ZCCHC14: variants seen among roughly 807,000 people sequenced by gnomAD.
The protein encoded by ZCCHC14 is zinc finger CCHC domain-containing protein 14.
A neutral mutation model predicts 85.0 loss-of-function variants in ZCCHC14; 16 were observed. The ratio of observed to expected loss-of-function variants is 0.19; its 90% CI spans 0.13 to 0.29. The LOEUF (loss-of-function observed/expected upper bound fraction) is 0.29, where lower values mean the gene tolerates loss of function less well. Ranked by LOEUF, ZCCHC14 falls within the 10% of genes least tolerant of loss-of-function variation. The pLI, the probability that ZCCHC14 is intolerant of heterozygous loss-of-function variation, is 1.00. For missense variants in ZCCHC14, 1,303 were observed against 1,443.5 expected (o/e 0.90, Z 1.58); for synonymous variants, 775 against 630.7 (o/e 1.23, Z -3.43).
At chr16:87,421,679 G>A (rs1178340458) in intron 4 of ZCCHC14, among the ~76,000 whole-genome samples, 2 of 152,170 alleles carry the variant, frequency 1.3e-5, no homozygotes, top group Non-Finnish European at 2.9e-5. Flanking sequence ...TGAAAGCTGG[G>A]AGTGAAGCAA....
chr16:87,434,343 A>C (rs1189874583), intron 2 of ZCCHC14, among the ~76,000 whole-genome samples: 1 of 152,186 alleles, frequency 6.6e-6, no homozygotes, highest in African/African-American at 2.4e-5. Context: ...CTCACTGCCC[A>C]ACACACCCGG....
At chr16:87,416,169 A>G (rs1041431628) in intron 8 of ZCCHC14, among the ~76,000 whole-genome samples, 7 of 151,662 alleles carry the variant, frequency 4.6e-5, no homozygotes, top group Non-Finnish European at 7.4e-5. Flanking sequence ...CAGATGATCC[A>G]CCTGCCTCGG....
intron 1 of ZCCHC14, among the ~76,000 whole-genome samples, chr16:87,485,688 A>G (rs984791561): frequency 1.3e-5 from 2 of 152,108 alleles, no homozygotes; most frequent in Non-Finnish European, 2.9e-5. Context: ...TTTTCCTAGC[A>G]TAACAAAAAT....
chr16:87,465,747 A>G (rs1911490376), intron 1 of ZCCHC14, among the ~76,000 whole-genome samples: 1 of 152,186 alleles, frequency 6.6e-6, no homozygotes, highest in Non-Finnish European at 1.5e-5. Flanking sequence ...CTCCCACATG[A>G]TAATGCTGCT....
chr16:87,432,037 G>A (rs192148168), intron 3 of ZCCHC14, among the ~76,000 whole-genome samples: 1 of 152,214 alleles, frequency 6.6e-6, no homozygotes. Flanking sequence ...ACCAAGTGGA[G>A]ACTTGTCCCT....
chr16:87,483,404 T>C (rs375925519), intron 1 of ZCCHC14, among the ~76,000 whole-genome samples: 8 of 146,478 alleles, frequency 5.5e-5, no homozygotes, highest in South Asian at 2.2e-4. Flanking sequence ...GGCAGAAGAA[T>C]TGCTTGAACC....
intron 12 of ZCCHC14, 104 bp downstream of exon 12, chr16:87,411,412 T>G: frequency 6.5e-7 from 1 of 1,534,452 alleles, no homozygotes; most frequent in Non-Finnish European, 8.7e-7. Flanking sequence ...ATTCGAAAAA[T>G]TATTTGCTTT....
At position 87,411,574 on chromosome 16, in the gene ZCCHC14, C is replaced by T; in HGVS notation, c.3147G>A (p.Gly1049=). The T allele has an allele frequency of 6.2e-7, 1 of 1,613,754 alleles. No individual in the cohort carries two copies. Among genetic ancestry groups the T allele is most frequent in the East Asian group, 2.2e-5 (1 of 44,872 alleles). ...AGTCCTGGGCGCGGTGACCAGTGGCCCCGCAGTTGTAACAAGATAGGTTCC... is the reference window on the plus strand; with the variant it reads ...AGTCCTGGGCGCGGTGACCAGTGGCTCCGCAGTTGTAACAAGATAGGTTCC... ...KSGNLSCYNC[G]ATGHRAQDCK... is the part of the protein sequence containing the mutation. The change falls in exon 12 of 13, where the codon GGG becomes GGA. Residue 1049 remains glycine, a synonymous_variant. Transcript: ENST00000671377.
At position 87,491,510 on chromosome 16, in the gene ZCCHC14, G is replaced by C. The variant is rs1445082946; in HGVS notation, c.570+159C>G. ...AGGCTTAGGATGGGGCTTGGGATAC[G>C]GGCTGGGGGCTCGTGGTGCAGGTTG... On this transcript the variant is annotated intron_variant, in intron 1 of 12. Transcript: ENST00000671377. This position sits in a 1 kb window ranked among gnomAD's most constrained non-coding sequence, Gnocchi z 5.9. Among the ~76,000 whole-genome samples the C allele has an allele frequency of 1.3e-5, 2 of 151,938 alleles. No individual in the cohort carries two copies. The highest frequency in any genetic ancestry group is 2.9e-5 in the Non-Finnish European group (2 of 67,968).
chr16:87,427,695 T>G (rs965612913), intron 3 of ZCCHC14, among the ~76,000 whole-genome samples: 4 of 152,220 alleles, frequency 2.6e-5, no homozygotes, highest in African/African-American at 9.6e-5. Context: ...TGGAGTGCAG[T>G]GGCATGATCT....
At chr16:87,414,822 T>G (rs1223137420) in intron 9 of ZCCHC14, among the ~76,000 whole-genome samples, 1 of 152,260 alleles carries the variant, frequency 6.6e-6, no homozygotes, top group Non-Finnish European at 1.5e-5. Context: ...GGCTCAGGCC[T>G]GTAATCCCAG....
intron 1 of ZCCHC14, among the ~76,000 whole-genome samples, chr16:87,490,707 G>T (rs1231637371): frequency 6.6e-6 from 1 of 152,168 alleles, no homozygotes; most frequent in Non-Finnish European, 1.5e-5. Context: ...TAGGTTTCAC[G>T]GGCATTTAAG....
chr16:87,410,723 C>T (rs1195174487), intron 12 of ZCCHC14, among the ~76,000 whole-genome samples: 1 of 152,198 alleles, frequency 6.6e-6, no homozygotes, highest in African/African-American at 2.4e-5. Context: ...CAGGCCCACC[C>T]GGGCCCGCAT....
chr16:87,413,223 A>C (rs1567508586), intron 10 of ZCCHC14, 28 bp from the exon 11 acceptor site: 2 of 1,501,500 alleles, frequency 1.3e-6, no homozygotes. Flanking sequence ...AGGAGCAGCC[A>C]TCAACTAGCG....
intron 6 of ZCCHC14, among the ~76,000 whole-genome samples, chr16:87,419,394 G>A (rs549220945): frequency 7.9e-4 from 121 of 152,350 alleles, no homozygotes; most frequent in African/African-American, 2.4e-3. Flanking sequence ...ACCGCCTCCC[G>A]GGTTCAAGTG....
intron 2 of ZCCHC14, among the ~76,000 whole-genome samples, chr16:87,446,295 C>T (rs986634472): frequency 8.5e-5 from 13 of 152,100 alleles, no homozygotes; most frequent in Non-Finnish European, 1.6e-4. Flanking sequence ...ACCAGCCTGG[C>T]CAACATGGCA....
At chr16:87,413,247 AG>A in intron 10 of ZCCHC14, 52 bp from the exon 11 acceptor site, 2 of 1,469,048 alleles carry the variant, frequency 1.4e-6, no homozygotes, top group Non-Finnish European at 1.8e-6. Flanking sequence ...CTGCAGGCTC[AG>A]CCCGCCCCGT....
At chr16:87,449,792 C>T (rs1444211780) in intron 2 of ZCCHC14, among the ~76,000 whole-genome samples, 3 of 152,112 alleles carry the variant, frequency 2.0e-5, no homozygotes, top group South Asian at 4.1e-4. Flanking sequence ...CGCTTGTGAT[C>T]CCAGCACTTT....
At chr16:87,430,384 T>A (rs1909592302) in intron 3 of ZCCHC14, among the ~76,000 whole-genome samples, 1 of 152,200 alleles carries the variant, frequency 6.6e-6, no homozygotes, top group Admixed American at 6.5e-5. Flanking sequence ...TGTGCTGCCT[T>A]CCCTTTTGCT....
Sources: allele counts gnomAD v4.1 joint callset (sites outside exome capture counted in the v4.1 genomes callset), GRCh38; gene constraint gnomAD v4.1.1; non-coding constraint Gnocchi (gnomAD v3.1); transcripts MANE v1.5; gene names NCBI Gene and HGNC (gene_info 2026-07-23, HGNC 2026-07-21).